ABCA1: variants seen among roughly 807,000 people sequenced by gnomAD.
ABCA1 encodes ATP binding cassette subfamily A member 1.
ABCA1 carries 133 observed loss-of-function variants against 262.5 expected under a neutral mutation model. The observed-to-expected ratio is 0.51, with a 90% CI of 0.44 to 0.59. The LOEUF (loss-of-function observed/expected upper bound fraction) is 0.59. Among genes scored for constraint, ABCA1 ranks in the 20% least tolerant of loss-of-function variants. The pLI, the probability that ABCA1 is intolerant of heterozygous loss-of-function variation, is 0.00. For synonymous variants in ABCA1, 1,022 were observed against 1,043.5 expected, an observed-to-expected ratio of 0.98 and a Z score of 0.40; for missense variants, 2,452 against 2,777.5, an observed-to-expected ratio of 0.88 and a Z score of 2.63.
chr9:104,845,506 G>T lies in ABCA1; in HGVS notation c.784C>A (p.Leu262Met). 1 of 1,614,022 alleles carries T rather than the reference G, an allele frequency of 6.2e-7. No homozygotes were observed. The highest frequency in any genetic ancestry group is 8.5e-7 in the Non-Finnish European group (1 of 1,179,908). ...TGGGCCAGAGTCCCAAGACTATGCA[G>T]CAATGTTTTTGTGGCTTCAGCCAGC... Reference protein sequence around the residue: ...KELAEATKTLLHSLGTLAQEL... With the variant: ...KELAEATKTLMHSLGTLAQEL... Residue 262 changes from leucine to methionine, a missense_variant, in exon 8 of 50, where the codon CTG (leucine) becomes ATG (methionine). Transcript: ENST00000374736.
At chr9:104,811,761 C>A (rs1831301278) in intron 28 of ABCA1, among the ~76,000 whole-genome samples, 1 of 152,118 alleles carries the variant, frequency 6.6e-6, no homozygotes, top group Middle Eastern at 3.2e-3. Context: ...TCTATGTTGT[C>A]ATTATTTATG....
chr9:104,816,299 G>A lies in ABCA1; in HGVS notation c.3582C>T (p.Ala1194=). Residue 1194 remains alanine (A), a synonymous_variant, in exon 25 of 50, where the codon GCC becomes GCT. Transcript: ENST00000374736. ...SNLIRKHVSE[A]RLVEDIGHEL... ...CATGCCCTATGTCTTCCACCAGCCG[G>A]GCTTCAGACACATGCTTCCTGATGA... The A allele has an allele frequency of 6.2e-7, 1 of 1,613,974 alleles. No individual in the cohort carries two copies. Among genetic ancestry groups the A allele is most frequent in the Non-Finnish European group, 8.5e-7 (1 of 1,179,998 alleles).
intron 18 of ABCA1, among the ~76,000 whole-genome samples, chr9:104,823,879 C>G (rs947442432): frequency 6.6e-6 from 1 of 152,054 alleles, no homozygotes; most frequent in African/African-American, 2.4e-5. Flanking sequence ...GGGATGGGCA[C>G]AGAAGAGACT....
At chr9:104,840,190 C>T in intron 9 of ABCA1, 89 bp downstream of exon 9, 2 of 1,607,332 alleles carry the variant, frequency 1.2e-6, no homozygotes, top group East Asian at 2.2e-5. Context: ...TCTAACGCTG[C>T]TACAGAGGGA....
intron 2 of ABCA1, among the ~76,000 whole-genome samples, chr9:104,902,793 GATC>G (rs1564280894): frequency 6.6e-6 from 1 of 152,108 alleles, no homozygotes; most frequent in Non-Finnish European, 1.5e-5. Context: ...TCAGAAAGAT[GATC>G]ATTTTGATTA....
intron 1 of ABCA1, among the ~76,000 whole-genome samples, chr9:104,921,996 G>T (rs547006890): frequency 2.2e-4 from 33 of 152,182 alleles, no homozygotes; most frequent in African/African-American, 7.5e-4. Context: ...AGAGCTTCAT[G>T]AGGAGGGAAG....
At chr9:104,819,329 C>CT (rs1832058980) in intron 22 of ABCA1, among the ~76,000 whole-genome samples, 1 of 152,204 alleles carries the variant, frequency 6.6e-6, no homozygotes, top group Non-Finnish European at 1.5e-5. Flanking sequence ...TCCTGCCCCT[C>CT]TCCGCTTCCA....
intron 2 of ABCA1, among the ~76,000 whole-genome samples, chr9:104,897,576 G>A (rs1204355721): frequency 6.6e-6 from 1 of 152,098 alleles, no homozygotes; most frequent in East Asian, 1.9e-4. Flanking sequence ...AGTAGATTTG[G>A]AGCCAAAAGA....
chr9:104,826,502 T>A (rs752650721), intron 16 of ABCA1, among the ~76,000 whole-genome samples: 9 of 152,206 alleles, frequency 5.9e-5, no homozygotes, highest in Non-Finnish European at 1.0e-4. Context: ...AAAACATTAC[T>A]CAAGCAAAAC....
In ABCA1 at chr9:104,784,224, C is replaced by T; in HGVS notation, c.*91G>A. ...TCCAGTTTACTTCTTCCCACATCAA[C>T]TTCTGGCTCTTTTCTCCACAACACT... On this transcript the variant is annotated 3_prime_UTR_variant, in exon 50 of 50. Transcript: ENST00000374736. 1 of 1,543,458 alleles carries T rather than the reference C, an allele frequency of 6.5e-7. No individual in the cohort carries two copies. The highest frequency in any genetic ancestry group is 1.1e-5 in the South Asian group (1 of 88,850).
At position 104,814,194 on chromosome 9, in the gene ABCA1, G is replaced by A. The variant is rs759804103; in HGVS notation, c.3825C>T (p.Phe1275=). ...TLPARRNRRA[F]GDKQSCLRPF... ...GGCGAAGACAGCTCTGCTTGTCCCC[G>A]AAGGCCCGCCTGTTTCGTCTTGCTG... Residue 1275 remains phenylalanine (F), a synonymous_variant, in exon 27 of 50, where the codon TTC becomes TTT. Coordinates refer to ENST00000374736, the MANE Select transcript of ABCA1 (RefSeq NM_005502.4). 48 of 1,614,096 alleles carry A rather than the reference G, an allele frequency of 3.0e-5. No individual in the cohort carries two copies. Among genetic ancestry groups the A allele is most frequent in the East Asian group, 6.7e-5 (3 of 44,904 alleles).
At chr9:104,884,215 T>C (rs1202909894) in intron 4 of ABCA1, among the ~76,000 whole-genome samples, 1 of 152,146 alleles carries the variant, frequency 6.6e-6, no homozygotes, top group Non-Finnish European at 1.5e-5. Flanking sequence ...GTTCACAACA[T>C]ACAGAAATGA....
chr9:104,805,867 G>A (rs183195896), intron 31 of ABCA1, among the ~76,000 whole-genome samples: 1 of 152,314 alleles, frequency 6.6e-6, no homozygotes, highest in Admixed American at 6.5e-5. Context: ...CACTTTGGGA[G>A]GCCGAGGCGG....
intron 1 of ABCA1, among the ~76,000 whole-genome samples, chr9:104,911,987 G>A (rs181805627): frequency 1.3e-5 from 2 of 152,106 alleles, no homozygotes; most frequent in African/African-American, 2.4e-5. Flanking sequence ...TGTAACTTGG[G>A]TGCAGTTTTT....
intron 5 of ABCA1, among the ~76,000 whole-genome samples, chr9:104,874,921 C>A (rs547351706): frequency 2.7e-5 from 4 of 150,410 alleles, no homozygotes; most frequent in African/African-American, 7.3e-5. Context: ...TGGGGGGCGC[C>A]TCTGCCCGGC....
chr9:104,800,722 G>A (rs2118893188), intron 34 of ABCA1, 138 bp from the exon 35 acceptor site: 5 of 796,886 alleles, frequency 6.3e-6, no homozygotes, highest in Admixed American at 1.9e-5. Context: ...TAAATGTGAA[G>A]CCATTAAATA....
chr9:104,837,288 T>A lies in ABCA1; in HGVS notation c.1194+140A>T, dbSNP rs9282542. 2.4e-3 allele frequency: 2,975 copies of A among 1,261,848 alleles called. 41 individuals are homozygous for A. The African/African-American group carries it at 0.032, about 14-fold the overall frequency. 78.2% of individuals were successfully genotyped at this position (1,261,848 alleles called of 1,614,324 possible). A position where few individuals can be genotyped will look rare whatever the true frequency, so the allele number is the denominator to read the frequency against. ...GGAGCTGGCCCAGCTCTGGTCTGCA[T>A]CAGACTTGAGGTTTTCACTCTGGGA... On this transcript the variant is annotated intron_variant, in intron 10 of 49. Transcript: ENST00000374736.
intron 1 of ABCA1, among the ~76,000 whole-genome samples, chr9:104,907,479 T>TG (rs1841232685): frequency 6.6e-6 from 1 of 152,152 alleles, no homozygotes; most frequent in African/African-American, 2.4e-5. Context: ...CGTAAGCACT[T>TG]GGGGATGTCT....
At chr9:104,799,538 A>T in intron 36 of ABCA1, 2 of 980,892 alleles carry the variant, frequency 2.0e-6, no homozygotes, top group Non-Finnish European at 2.4e-6. Context: ...ACTTATAATT[A>T]AATTATAATT....
Sources: allele counts gnomAD v4.1 joint callset (sites outside exome capture counted in the v4.1 genomes callset), GRCh38; gene constraint gnomAD v4.1.1; transcripts MANE v1.5; gene names NCBI Gene and HGNC (gene_info 2026-07-23, HGNC 2026-07-21).